CHM: variants seen among roughly 807,000 people sequenced by gnomAD.
CHM encodes the protein CHM Rab escort protein.
CHM carries 10 observed loss-of-function variants against 49.0 expected under a neutral mutation model. The ratio of observed to expected loss-of-function variants is 0.20; its 90% confidence interval spans 0.13 to 0.35. The LOEUF is 0.35. Among genes scored for constraint, CHM ranks in the 10% least tolerant of loss-of-function variants. The pLI is 1.00. For synonymous variants in CHM, 184 were observed against 167.5 expected, an observed-to-expected ratio of 1.10 and a Z score of -0.76; for missense variants, 455 against 478.4, an observed-to-expected ratio of 0.95 and a Z score of 0.46.
At chrX:85,973,300 C>CAAAAAAAAAAAAAAAAAAAAAAAAAA (rs58103002) in intron 4 of CHM, among the ~76,000 whole-genome samples, 2 of 16,338 alleles carry the variant, frequency 1.2e-4, no homozygotes, top group African/African-American at 2.9e-4. Flanking sequence ...TCTGTCTCGA[C>CAAAAAAAAAAAAAAAAAAAAAAAAAA]AAAAAAAAAA....
At chrX:85,957,797 T>C in intron 7 of CHM, 58 bp downstream of exon 7, 2 of 1,176,019 alleles carry the variant, frequency 1.7e-6, no homozygotes, top group South Asian at 1.9e-5. Flanking sequence ...AGAGCAAGCA[T>C]ATTAAAATAG....
At chrX:85,973,795 G>A (rs1320737717) in intron 4 of CHM, among the ~76,000 whole-genome samples, 1 of 111,811 alleles carries the variant, frequency 8.9e-6, no homozygotes, top group Non-Finnish European at 1.9e-5. Context: ...AACAAAGTAG[G>A]GCTTATTAAG....
At chrX:85,972,727 G>A (rs951484069) in intron 4 of CHM, among the ~76,000 whole-genome samples, 11 of 112,220 alleles carry the variant, frequency 9.8e-5, no homozygotes, top group Non-Finnish European at 2.1e-4. Flanking sequence ...CCCAGTTCCC[G>A]CTCGTGCCTC....
chrX:85,977,867 TG>T (rs139220519), intron 4 of CHM, among the ~76,000 whole-genome samples: 29,355 of 111,054 alleles, frequency 0.26, 3,420 homozygotes, highest in Admixed American at 0.39. Flanking sequence ...GCTACTTACA[TG>T]GAAGATATGA....
intron 8 of CHM, among the ~76,000 whole-genome samples, chrX:85,924,477 T>C (rs886068086): frequency 8.1e-5 from 9 of 111,734 alleles, no homozygotes; most frequent in Admixed American, 3.8e-4. Flanking sequence ...TATACAAGTA[T>C]TGCTGTGAAG....
intron 2 of CHM, among the ~76,000 whole-genome samples, chrX:85,992,972 G>A (rs1814497410): frequency 8.9e-6 from 1 of 111,837 alleles, no homozygotes; most frequent in Non-Finnish European, 1.9e-5. Flanking sequence ...AAGGCAGGTA[G>A]ATGAACAAAT....
At position 85,896,926 on chromosome X, in the gene CHM, G is replaced by A. The variant is rs12687907; in HGVS notation, c.1414-2642C>T. On this transcript the variant is annotated intron_variant, in intron 11 of 14. Transcript: ENST00000357749. ...ACATACTATATATAATACATAATAT[G>A]TAATACGTAATACATAATATATAAT... is the stretch of plus-strand genomic sequence containing the variant. Among the ~76,000 whole-genome samples the A allele has an allele frequency of 3.7e-3, 337 of 91,427 alleles. 2 individuals are homozygous for A. In the East Asian group the frequency reaches 0.057, roughly 16 times the overall value. 79.4% of individuals were successfully genotyped at this position (91,427 alleles called of 115,157 possible).
chrX:85,983,835 A>T (rs1266694092), intron 2 of CHM, among the ~76,000 whole-genome samples: 1 of 111,818 alleles, frequency 8.9e-6, no homozygotes, highest in African/African-American at 3.3e-5. Flanking sequence ...AAAATGAAAA[A>T]CTTCCCTAAA....
intron 1 of CHM, among the ~76,000 whole-genome samples, chrX:86,040,122 G>A (rs1327986206): frequency 8.9e-6 from 1 of 112,175 alleles, no homozygotes; most frequent in Non-Finnish European, 1.9e-5. Flanking sequence ...ACACAAAAAG[G>A]CAGAGGGCCC....
At chrX:86,016,873 C>T (rs1286112706) in intron 2 of CHM, among the ~76,000 whole-genome samples, 2 of 112,158 alleles carry the variant, frequency 1.8e-5, no homozygotes, top group Non-Finnish European at 3.8e-5. Flanking sequence ...AGACACTCAA[C>T]ACCAGCTCAT....
At chrX:85,938,648 TGCAC>T (rs1928925915) in intron 8 of CHM, among the ~76,000 whole-genome samples, 1 of 109,280 alleles carries the variant, frequency 9.2e-6, no homozygotes, top group Admixed American at 9.9e-5. Flanking sequence ...AATGTAGCTA[TGCAC>T]ATTATACGCA....
intron 9 of CHM, among the ~76,000 whole-genome samples, 189 bp from the exon 10 acceptor site, chrX:85,901,377 T>G (rs1471264813): frequency 9.0e-6 from 1 of 111,533 alleles, no homozygotes. Context: ...CTTGTTGCTA[T>G]TTTGAGGGCT....
Position 85,864,537 on chromosome X carries a change from CTTTCTAACA to C in CHM, c.*84_*92del. Reference sequence around the variant, plus strand: ...CTATTTTGCCTTATAATTGCTGCTGCTTTCTAACATTTCTCAAACAGTCCTTCTATCAAG... The same window carrying C: ...CTATTTTGCCTTATAATTGCTGCTGCTTTCTCAAACAGTCCTTCTATCAAG... On this transcript the variant is annotated 3_prime_UTR_variant, in exon 15 of 15. Transcript: ENST00000357749. The C allele has an allele frequency of 1.2e-6, 1 of 807,508 alleles. No individual in the cohort carries two copies. Among genetic ancestry groups the C allele is most frequent in the African/African-American group, 2.0e-5 (1 of 49,520 alleles). The allele number at this position is 807,508 out of a possible 1,213,427, so 66.5% of individuals were successfully genotyped here.
intron 13 of CHM, among the ~76,000 whole-genome samples, chrX:85,873,749 T>A (rs1486442074): frequency 9.0e-6 from 1 of 110,876 alleles, no homozygotes; most frequent in Non-Finnish European, 1.9e-5. Flanking sequence ...TAAGAGACAA[T>A]GAATTGTACA....
intron 14 of CHM, among the ~76,000 whole-genome samples, chrX:85,871,304 C>CAAAAAAAAAAAAA (rs150005971): frequency 4.8e-5 from 3 of 62,063 alleles, no homozygotes; most frequent in East Asian, 1.1e-3. Flanking sequence ...AAGACTGTCT[C>CAAAAAAAAAAAAA]AAAAAAAAAA....
At chrX:85,899,589 C>T (rs983489655) in intron 11 of CHM, among the ~76,000 whole-genome samples, 1 of 109,582 alleles carries the variant, frequency 9.1e-6, no homozygotes, top group Non-Finnish European at 1.9e-5. Context: ...TACATTATTG[C>T]CATCATGTAT....
chrX:85,974,338 T>C (rs754034083), intron 4 of CHM, among the ~76,000 whole-genome samples: 5 of 111,757 alleles, frequency 4.5e-5, no homozygotes, highest in Non-Finnish European at 7.5e-5. Flanking sequence ...ACTATAGTAT[T>C]AAAGTAATTG....
At chrX:85,971,955 C>T (rs1025739288) in intron 4 of CHM, among the ~76,000 whole-genome samples, 1 of 107,487 alleles carries the variant, frequency 9.3e-6, no homozygotes, top group Admixed American at 9.9e-5. Flanking sequence ...TGTTTACAAA[C>T]CTTGAGCTAG....
intron 14 of CHM, among the ~76,000 whole-genome samples, chrX:85,866,026 T>C (rs1253744596): frequency 8.9e-6 from 1 of 112,488 alleles, no homozygotes; most frequent in Non-Finnish European, 1.9e-5. Flanking sequence ...TCTGACCATG[T>C]GGGAGAAAAG....
Sources: allele counts gnomAD v4.1 joint callset (sites outside exome capture counted in the v4.1 genomes callset), GRCh38; gene constraint gnomAD v4.1.1; transcripts MANE v1.5; gene names NCBI Gene and HGNC (gene_info 2026-07-23, HGNC 2026-07-21).